The following PPARGC1A variants were observed in gnomAD, a reference collection of about 807,000 sequenced individuals.
PPARGC1A encodes peroxisome proliferator-activated receptor gamma coactivator 1-alpha.
A neutral mutation model predicts 88.7 loss-of-function variants in PPARGC1A; 25 were observed. The ratio of observed to expected loss-of-function variants is 0.28; its 90% confidence interval spans 0.21 to 0.39. The LOEUF (loss-of-function observed/expected upper bound fraction) is 0.39, where lower values mean the gene tolerates loss of function less well. Among genes scored for constraint, PPARGC1A ranks in the 10% least tolerant of loss-of-function variants. The pLI, the probability that PPARGC1A is intolerant of heterozygous loss-of-function variation, is 1.00. For missense variants in PPARGC1A, 880 were observed against 968.7 expected (o/e 0.91, Z 1.22); for synonymous variants, 363 against 355.6 (o/e 1.02, Z -0.24).
the PPARGC1A span, among the ~76,000 whole-genome samples, chr4:24,460,395 T>A: frequency 1.3e-5 from 2 of 152,172 alleles, no homozygotes; most frequent in Admixed American, 1.3e-4. Flanking sequence ...TCATCATACT[T>A]GATTATACTA....
chr4:24,214,269 A>G, the PPARGC1A span, among the ~76,000 whole-genome samples: 1 of 152,308 alleles, frequency 6.6e-6, no homozygotes, highest in African/African-American at 2.4e-5. Context: ...TGGGAATATC[A>G]TTTGCAAATT....
chr4:23,901,105 T>C (rs889185385), upstream of PPARGC1A, among the ~76,000 whole-genome samples: 10 of 152,086 alleles, frequency 6.6e-5, no homozygotes, highest in African/African-American at 1.4e-4. Flanking sequence ...CGGTGGCTCA[T>C]GCCTGTAATC....
chr4:24,240,024 T>C, the PPARGC1A span, among the ~76,000 whole-genome samples: 3 of 152,148 alleles, frequency 2.0e-5, no homozygotes, highest in African/African-American at 7.2e-5. Context: ...TCAAGTAAAT[T>C]AAAAGAATGC....
chr4:24,073,022 T>C, the PPARGC1A span, among the ~76,000 whole-genome samples: 1 of 143,362 alleles, frequency 7.0e-6, no homozygotes, highest in South Asian at 2.2e-4. Context: ...CATCCCTTCA[T>C]TGTTCTTTGT....
the PPARGC1A span, among the ~76,000 whole-genome samples, chr4:24,060,079 C>G: frequency 1.3e-5 from 2 of 152,298 alleles, no homozygotes; most frequent in Middle Eastern, 6.8e-3. Flanking sequence ...CATCACAGAG[C>G]TATTTTTCAC....
the PPARGC1A span, among the ~76,000 whole-genome samples, chr4:23,929,327 G>A: frequency 6.6e-6 from 1 of 152,100 alleles, no homozygotes; most frequent in African/African-American, 2.4e-5. Flanking sequence ...TGAGTTACTA[G>A]AGGTGGAAAA....
the PPARGC1A span, among the ~76,000 whole-genome samples, chr4:24,029,099 C>T: frequency 2.2e-4 from 33 of 152,068 alleles, no homozygotes; most frequent in African/African-American, 6.8e-4. Flanking sequence ...GCTGTCCCTC[C>T]GTGTCCTACA....
the PPARGC1A span, among the ~76,000 whole-genome samples, chr4:24,384,901 C>T: frequency 1.3e-5 from 2 of 152,160 alleles, no homozygotes; most frequent in Non-Finnish European, 2.9e-5. Context: ...ACCTAATAGA[C>T]ATTTACAGAA....
chr4:23,813,788 C>T lies in PPARGC1A; in HGVS notation c.1695G>A (p.Met565Ile), dbSNP rs531818398. The T allele has an allele frequency of 8.5e-5, 137 of 1,613,414 alleles. 1 individual carries two copies. The South Asian group carries it at 1.4e-3, about 17-fold the overall frequency. ...GAGAAAAGGACCTTGAACGAGAGCGCATCCTTTGGGGTCTTTGAGAAAATA... is the reference window on the plus strand; with the variant it reads ...GAGAAAAGGACCTTGAACGAGAGCGTATCCTTTGGGGTCTTTGAGAAAATA... ...KSLFSQRPQRMRSRSRSFSRH... is the reference protein window; with the variant it reads ...KSLFSQRPQRIRSRSRSFSRH... The change falls in exon 8 of 13, where the codon ATG becomes ATA. Residue 565 changes from methionine (M) to isoleucine (I), a missense_variant. Transcript: ENST00000264867.
At chr4:24,139,290 G>A in the PPARGC1A span, among the ~76,000 whole-genome samples, 4 of 151,862 alleles carry the variant, frequency 2.6e-5, no homozygotes, top group South Asian at 2.1e-4. Context: ...CCTGCCACAC[G>A]CCCGGCTAAT....
the PPARGC1A span, among the ~76,000 whole-genome samples, chr4:24,263,619 G>A: frequency 9.4e-4 from 143 of 152,146 alleles, no homozygotes; most frequent in Non-Finnish European, 1.7e-3. Flanking sequence ...CACTTCTGCC[G>A]TACCTGAGAC....
At chr4:24,418,603 A>G in the PPARGC1A span, among the ~76,000 whole-genome samples, 1 of 152,098 alleles carries the variant, frequency 6.6e-6, no homozygotes, top group African/African-American at 2.4e-5. Context: ...CAGGCCAGGT[A>G]TGAACCTAGC....
chr4:23,823,571 C>T (rs1723393402), intron 7 of PPARGC1A, among the ~76,000 whole-genome samples: 1 of 151,906 alleles, frequency 6.6e-6, no homozygotes, highest in Non-Finnish European at 1.5e-5. Flanking sequence ...AAAGCTACTC[C>T]TAAACATATA....
the PPARGC1A span, among the ~76,000 whole-genome samples, chr4:24,064,212 A>C: frequency 6.6e-6 from 1 of 152,188 alleles, no homozygotes; most frequent in Non-Finnish European, 1.5e-5. Flanking sequence ...TAAGAAAAAA[A>C]ACAACTGGGA....
intron 10 of PPARGC1A, among the ~76,000 whole-genome samples, chr4:23,806,223 A>T (rs1430292052): frequency 6.6e-6 from 1 of 152,178 alleles, no homozygotes; most frequent in Non-Finnish European, 1.5e-5. Context: ...AAAATTATTG[A>T]AGTGCTTGAT....
chr4:23,807,971 A>G (rs1030022800), intron 10 of PPARGC1A, among the ~76,000 whole-genome samples: 1 of 152,122 alleles, frequency 6.6e-6, no homozygotes, highest in Non-Finnish European at 1.5e-5. Flanking sequence ...ATAGAAAGCT[A>G]TTTCATTTTC....
the PPARGC1A span, among the ~76,000 whole-genome samples, chr4:24,469,603 C>A: frequency 1.3e-5 from 2 of 152,196 alleles, no homozygotes; most frequent in African/African-American, 4.8e-5. Context: ...TAGCACAGTA[C>A]CCAATACCAG....
At chr4:24,184,458 C>A in the PPARGC1A span, among the ~76,000 whole-genome samples, 5 of 152,192 alleles carry the variant, frequency 3.3e-5, no homozygotes, top group Non-Finnish European at 7.3e-5. Context: ...TTAATCCATA[C>A]CTGGTATTGT....
chr4:23,933,290 C>T, the PPARGC1A span, among the ~76,000 whole-genome samples: 2 of 152,200 alleles, frequency 1.3e-5, no homozygotes, highest in Non-Finnish European at 2.9e-5. Context: ...TTGAATTTTT[C>T]TCCTATGTAG....
Sources: gnomAD v4.1 joint callset for allele counts (sites outside exome capture counted in the v4.1 genomes callset) on GRCh38, gnomAD v4.1.1 for gene constraint, MANE v1.5 for transcripts, NCBI Gene and HGNC (gene_info 2026-07-23, HGNC 2026-07-21) for gene names.